OR51B5: variants seen among roughly 807,000 people sequenced by gnomAD.
OR51B5 encodes olfactory receptor 51B5.
For missense variants in OR51B5, 456 were observed against 374.6 expected (o/e 1.22, Z -1.79); for synonymous variants, 186 against 144.8 (o/e 1.28, Z -2.04).
chr11:5,394,792 C>A (rs1183123377), intron 1 of OR51B5, among the ~76,000 whole-genome samples: 1 of 152,130 alleles, frequency 6.6e-6, no homozygotes, highest in Admixed American at 6.5e-5. Flanking sequence ...TCACATCAAC[C>A]TCCTGCAGAA....
intron 1 of OR51B5, among the ~76,000 whole-genome samples, chr11:5,358,831 G>T (rs904083029): frequency 2.0e-5 from 3 of 152,112 alleles, no homozygotes; most frequent in Non-Finnish European, 2.9e-5. Context: ...ATGCAAGGCT[G>T]GTTCAACATA....
Position 5,375,197 on chromosome 11 carries a change from G to A in OR51B5, n.85-28287C>T, listed in dbSNP as rs1487341800. Among the ~76,000 whole-genome samples, 3 of 144,742 alleles carry A rather than the reference G, an allele frequency of 2.1e-5. No individual in the cohort carries two copies. The Admixed American group carries it at 2.1e-4, about 10-fold the overall frequency. The allele number at this position is 144,742 out of a possible 152,430, so 95.0% of individuals were successfully genotyped here. ...CAATATTCAACATCCTTAAAGGAAA[G>A]AATTTTCAACACAGAATTTAATATC... On this transcript the variant is annotated intron_variant and non_coding_transcript_variant, in intron 1 of 4. Transcript: ENST00000415970.
chr11:5,492,380 G>C (rs1388544550), intron 1 of OR51B5, among the ~76,000 whole-genome samples: 2 of 152,086 alleles, frequency 1.3e-5, no homozygotes, highest in Non-Finnish European at 2.9e-5. Flanking sequence ...ACTTTATTGT[G>C]ATGTGCTAAC....
rs768802107 is a variant in OR51B5, at chr11:5,441,217, G to A, written n.84+64352C>T. On this transcript the variant is annotated intron_variant and non_coding_transcript_variant, in intron 1 of 4. Coordinates refer to the OR51B5 transcript ENST00000415970. ...GTGTGGATGAAGAACATCTGGACCA[G>A]GCAAGCATTAAACGCAACATGGTTG... The A allele has an allele frequency of 9.3e-6, 15 of 1,613,872 alleles. No individual in the cohort carries two copies. In the African/African-American group the frequency reaches 1.1e-4, roughly 11 times the overall value.
intron 1 of OR51B5, among the ~76,000 whole-genome samples, chr11:5,370,790 A>G (rs1388528736): frequency 1.3e-5 from 2 of 151,342 alleles, no homozygotes; most frequent in Non-Finnish European, 2.9e-5. Context: ...CTGCTATGAA[A>G]GAAAGAAAAA....
chr11:5,428,515 C>T lies in OR51B5; in HGVS notation n.84+77054G>A, dbSNP rs192804712. ...TAAAAAATGCGACATCTATGAGGCA[C>T]AATAAAGTGAAGCATGTAAAATGAT... is the stretch of plus-strand genomic sequence containing the variant. On this transcript the variant is annotated intron_variant and non_coding_transcript_variant, in intron 1 of 4. Coordinates refer to the OR51B5 transcript ENST00000415970. 2.1e-3 allele frequency among the ~76,000 whole-genome samples: 318 copies of T among 152,202 alleles called. 1 individual carries two copies. Among genetic ancestry groups the T allele is most frequent in the African/African-American group, 7.2e-3 (301 of 41,540 alleles).
At chr11:5,435,035 TG>T (rs1297201258) in intron 1 of OR51B5, among the ~76,000 whole-genome samples, 2 of 152,070 alleles carry the variant, frequency 1.3e-5, no homozygotes, top group African/African-American at 4.8e-5. Flanking sequence ...GGTCAGGTGG[TG>T]GGGAACAGGG....
At chr11:5,475,692 T>C (rs1474357136) in intron 1 of OR51B5, among the ~76,000 whole-genome samples, 1 of 152,174 alleles carries the variant, frequency 6.6e-6, no homozygotes, top group Non-Finnish European at 1.5e-5. Flanking sequence ...TTATGTAAAT[T>C]CCATGAAACA....
At chr11:5,352,898 AAT>A (rs1177823566) in intron 1 of OR51B5, among the ~76,000 whole-genome samples, 1 of 147,612 alleles carries the variant, frequency 6.8e-6, no homozygotes, top group Non-Finnish European at 1.5e-5. Context: ...TTATATAAAT[AAT>A]ATATATATAT....
intron 1 of OR51B5, among the ~76,000 whole-genome samples, chr11:5,427,646 A>G (rs532147654): frequency 1.3e-5 from 2 of 152,364 alleles, no homozygotes; most frequent in African/African-American, 2.4e-5. Flanking sequence ...ATAAAACTGA[A>G]TATCTTTGGA....
At chr11:5,457,844 T>A (rs1008576388) in intron 1 of OR51B5, among the ~76,000 whole-genome samples, 2 of 152,152 alleles carry the variant, frequency 1.3e-5, no homozygotes, top group Admixed American at 1.3e-4. Flanking sequence ...TTTAAACTGT[T>A]TATAGATTCT....
intron 1 of OR51B5, chr11:5,453,836 G>C (rs376718583): frequency 6.2e-7 from 1 of 1,614,178 alleles, no homozygotes; most frequent in African/African-American, 1.3e-5. Flanking sequence ...GTATTCTGCT[G>C]GCCATGAGTT....
At chr11:5,388,973 A>C (rs1327937255) in intron 1 of OR51B5, among the ~76,000 whole-genome samples, 1 of 152,188 alleles carries the variant, frequency 6.6e-6, no homozygotes, top group Non-Finnish European at 1.5e-5. Flanking sequence ...AAAAGTACAG[A>C]TGTTGCTAGA....
chr11:5,489,698 G>A (rs392296), intron 1 of OR51B5: 1,377,275 of 1,423,332 alleles, frequency 0.97, 666,645 homozygotes, highest in South Asian at 0.99. Context: ...AAAAAAAAGT[G>A]TAGGATGGCT....
At chr11:5,389,023 A>G (rs2736532) in intron 1 of OR51B5, among the ~76,000 whole-genome samples, 54,618 of 152,024 alleles carry the variant, frequency 0.36, 9,977 homozygotes, top group South Asian at 0.44. Flanking sequence ...TTCTGGAATT[A>G]TATATTTGTT....
At chr11:5,472,759 C>G (rs958373541) in intron 1 of OR51B5, among the ~76,000 whole-genome samples, 2 of 152,186 alleles carry the variant, frequency 1.3e-5, no homozygotes, top group Non-Finnish European at 1.5e-5. Flanking sequence ...AAGCCAATAA[C>G]AGAGCTGAAC....
chr11:5,423,955 T>G (rs1408164500), intron 1 of OR51B5, among the ~76,000 whole-genome samples: 1 of 152,220 alleles, frequency 6.6e-6, no homozygotes, highest in Non-Finnish European at 1.5e-5. Context: ...AATGTAGCTC[T>G]GCTTCTTACA....
At chr11:5,375,851 C>T (rs1849518781) in intron 1 of OR51B5, among the ~76,000 whole-genome samples, 1 of 152,138 alleles carries the variant, frequency 6.6e-6, no homozygotes, top group African/African-American at 2.4e-5. Context: ...GACTCCCACA[C>T]TTTAATAATG....
At chr11:5,393,362 A>G (rs1232581674) in intron 1 of OR51B5, 1 of 126,664 alleles carries the variant, frequency 7.9e-6, no homozygotes, top group Non-Finnish European at 1.7e-5. Flanking sequence ...ATGCTTAGGA[A>G]ACTGTTGGCA....
Sources: allele counts gnomAD v4.1 joint callset (sites outside exome capture counted in the v4.1 genomes callset), GRCh38; gene constraint gnomAD v4.1.1; transcripts MANE v1.5; gene names NCBI Gene and HGNC (gene_info 2026-07-23, HGNC 2026-07-21).